The following EBLN1 variants were observed in gnomAD, a reference collection of about 807,000 sequenced individuals.
EBLN1 encodes the protein endogenous Bornavirus like nucleoprotein 1.
EBLN1 carries 1 observed loss-of-function variant against 0.8 expected under a neutral mutation model. The observed-to-expected ratio is 1.32, with a 90% CI of 0.47 to 6.26. EBLN1 has a LOEUF of 6.26. Ranked by LOEUF, EBLN1 falls within the 30% of genes most tolerant of loss-of-function variation. EBLN1 has a pLI of 0.15. For synonymous variants in EBLN1, 158 were observed against 158.5 expected, an observed-to-expected ratio of 1.00 and a Z score of 0.02; for missense variants, 396 against 447.9, an observed-to-expected ratio of 0.88 and a Z score of 1.05.
chr10:22,217,560 TG>T (rs1169794716), intron 1 of EBLN1, among the ~76,000 whole-genome samples: 1 of 152,248 alleles, frequency 6.6e-6, no homozygotes, highest in Admixed American at 6.5e-5. Flanking sequence ...TCAACTGCAT[TG>T]TTATTTTTTA....
rs1834765439 is a variant in EBLN1 at position 22,212,846 on chromosome 10, A to G, written c.-49T>C. 6.6e-6 allele frequency among the ~76,000 whole-genome samples: 1 copy of G among 151,082 alleles called. No homozygotes were observed. On this transcript the variant is annotated 5_prime_UTR_variant, in exon 2 of 3. Transcript: ENST00000422359. The stretch of plus-strand genomic sequence containing the variant: ...GCTGGGCATGGTGGCACGTACCTGC[A>G]GTCCTAGCTACTTTGGAGGCTGAGG...
chr10:22,212,348 T>C (rs370937762), intron 2 of EBLN1, among the ~76,000 whole-genome samples: 30 of 152,230 alleles, frequency 2.0e-4, no homozygotes, highest in Admixed American at 3.9e-4. Context: ...TTCTAAAATA[T>C]GCAATTTTCA....
intron 1 of EBLN1, among the ~76,000 whole-genome samples, chr10:22,217,189 A>G (rs1421075144): frequency 6.6e-6 from 1 of 152,150 alleles, no homozygotes; most frequent in Non-Finnish European, 1.5e-5. Flanking sequence ...GCAGTGGTGC[A>G]ATCTTGACTC....
chr10:22,214,354 T>C (rs919957312), intron 1 of EBLN1, among the ~76,000 whole-genome samples: 11 of 151,334 alleles, frequency 7.3e-5, no homozygotes, highest in African/African-American at 2.2e-4. Context: ...GGCTGCAGTG[T>C]AGTGACACCA....
At chr10:22,211,113 C>T (rs891939646) in intron 2 of EBLN1, among the ~76,000 whole-genome samples, 3 of 152,202 alleles carry the variant, frequency 2.0e-5, no homozygotes, top group Admixed American at 1.3e-4. Flanking sequence ...AGGGATATAA[C>T]ATTACATGGT....
intron 2 of EBLN1, 49 bp from the exon 3 acceptor site, chr10:22,210,076 A>AT: frequency 8.0e-7 from 1 of 1,243,222 alleles, no homozygotes; most frequent in Non-Finnish European, 1.0e-6. Context: ...TTTAAATTAC[A>AT]TTTATTAATA....
chr10:22,209,416 C>G lies in EBLN1; in HGVS notation c.568G>C (p.Gly190Arg). Residue 190 changes from glycine (G) to arginine (R), a missense_variant, in exon 3 of 3, where the codon GGG becomes CGG. Coordinates refer to ENST00000422359, the MANE Select transcript of EBLN1 (RefSeq NM_001394757.1). ...SADLLISYNA[G>R]PAIDWINSRP... Reference sequence around the variant, plus strand: ...GAGTTGATCCAATCTATAGCTGGCCCTGCATTATAGCTAATTAATAAATCA... The same window carrying G: ...GAGTTGATCCAATCTATAGCTGGCCGTGCATTATAGCTAATTAATAAATCA... 2 of 1,602,926 alleles carry G rather than the reference C, an allele frequency of 1.2e-6. No homozygotes were observed. The highest frequency in any genetic ancestry group is 1.7e-6 in the Non-Finnish European group (2 of 1,179,836).
intron 1 of EBLN1, among the ~76,000 whole-genome samples, chr10:22,213,559 C>G (rs1470652234): frequency 6.6e-6 from 1 of 152,022 alleles, no homozygotes; most frequent in African/African-American, 2.4e-5. Flanking sequence ...GAAGAAAACC[C>G]CCAAAAATCA....
chr10:22,209,324 C>A lies in EBLN1; in HGVS notation c.660G>T (p.Glu220Asp). 1 of 1,602,038 alleles carries A rather than the reference C, an allele frequency of 6.2e-7. No homozygotes were observed. The change falls in exon 3 of 3, where the codon GAG becomes GAT. Residue 220 changes from glutamate (E) to aspartate (D), a missense_variant. By Grantham distance (45) the Glu-to-Asp change is conservative (BLOSUM62 2). Transcript: ENST00000422359. ...LFGEFESPACELLDQVKVVAS... is the reference protein window; with the variant it reads ...LFGEFESPACDLLDQVKVVAS... ...CAACTACTTTAACTTGATCAAGTAG[C>A]TCGCACGCAGGGGATTCAAATTCTC...
intron 1 of EBLN1, among the ~76,000 whole-genome samples, chr10:22,217,556 G>T (rs1391052047): frequency 6.6e-6 from 1 of 152,152 alleles, no homozygotes; most frequent in Non-Finnish European, 1.5e-5. Context: ...AGATTCAACT[G>T]CATTGTTATT....
rs1834735575 is a variant in EBLN1 at position 22,209,971 on chromosome 10, T to C, written c.13A>G (p.Arg5Gly). 1.4e-6 allele frequency: 2 copies of C among 1,417,280 alleles called. No individual in the cohort carries two copies. The highest frequency in any genetic ancestry group is 1.8e-4 in the Middle Eastern group (1 of 5,462). The allele number at this position is 1,417,280 out of a possible 1,614,324, so 87.8% of individuals were successfully genotyped here. A position where few individuals can be genotyped will look rare whatever the true frequency, so the allele number is the denominator to read the frequency against. MSRP[R>G]NNPQTSSPQD... is the part of the protein sequence containing the mutation. ...GGGCTGCTGGTCTGTGGGTTGTTTC[T>C]TGGGCGGGACATTGTGGGTGATTGT... Residue 5 changes from arginine to glycine, a missense_variant, in exon 3 of 3, where the codon AGA becomes GGA. Physicochemically the swap from Arg to Gly is moderately radical, Grantham distance 125. Transcript: ENST00000422359.
rs1221010118 is a variant in EBLN1 at position 22,209,577 on chromosome 10, A to T, written c.407T>A (p.Ile136Asn). 11 of 1,541,080 alleles carry T rather than the reference A, an allele frequency of 7.1e-6. No homozygotes were observed. The highest frequency in any genetic ancestry group is 8.7e-6 in the Non-Finnish European group (10 of 1,149,742). Reference protein sequence around the residue: ...PTFTALEMSSILRHCCDLIGI... With the variant: ...PTFTALEMSSNLRHCCDLIGI... ...TATCAGATCACAGCAGTGACGCAGA[A>T]TTGATGACATCTCAAGGGCAGTGAA... The change falls in exon 3 of 3, where the codon ATT becomes AAT. Residue 136 changes from isoleucine to asparagine, a missense_variant. Ile to Asn is a moderately radical substitution (Grantham distance 149, BLOSUM62 -3). Transcript: ENST00000422359.
At chr10:22,211,064 T>C (rs1173322690) in intron 2 of EBLN1, among the ~76,000 whole-genome samples, 2 of 152,240 alleles carry the variant, frequency 1.3e-5, no homozygotes, top group Non-Finnish European at 2.9e-5. Context: ...GCAATCACCA[T>C]GCTAATCACA....
intron 2 of EBLN1, among the ~76,000 whole-genome samples, chr10:22,211,036 T>C (rs917363272): frequency 1.2e-4 from 18 of 152,234 alleles, no homozygotes; most frequent in African/African-American, 4.3e-4. Flanking sequence ...TAGACAGTGA[T>C]AAAAGCTTAA....
In EBLN1 at chr10:22,209,176, G is replaced by A; in HGVS notation, c.808C>T (p.Leu270=). Residue 270 remains leucine (L), a synonymous_variant, in exon 3 of 3, where the codon CTG becomes TTG. Coordinates refer to ENST00000422359, the MANE Select transcript of EBLN1 (RefSeq NM_001394757.1). ...AAATCTCCAAGTACCTTTTTAGCCAGTGGTTTCTTCTGCTCAAAAACTGGA... is the reference window on the plus strand; with the variant it reads ...AAATCTCCAAGTACCTTTTTAGCCAATGGTTTCTTCTGCTCAAAAACTGGA... The part of the protein sequence containing the change: ...EIPVFEQKKP[L]AKKVLGDFFE... The A allele has an allele frequency of 2.6e-6, 4 of 1,536,064 alleles. No individual in the cohort carries two copies. Among genetic ancestry groups the A allele is most frequent in the Non-Finnish European group, 3.5e-6 (4 of 1,147,062 alleles).
chr10:22,211,219 T>C (rs1564323447), intron 2 of EBLN1, among the ~76,000 whole-genome samples: 1 of 152,240 alleles, frequency 6.6e-6, no homozygotes, highest in African/African-American at 2.4e-5. Context: ...AGGCTTTTGA[T>C]TTGGGTGGTA....
chr10:22,210,021 T>A lies in EBLN1; in HGVS notation c.-38A>T, dbSNP rs146971751. 9 of 1,352,966 alleles carry A rather than the reference T, an allele frequency of 6.7e-6. No homozygotes were observed. Among genetic ancestry groups the A allele is most frequent in the Admixed American group, 3.2e-5 (1 of 31,130 alleles). 83.8% of individuals were successfully genotyped at this position (1,352,966 alleles called of 1,614,324 possible). ...TTTCTGTGATTTTCACACAATTTTG[T>A]ACTGTACTAAAAAAATATAGAGAAT... On this transcript the variant is annotated 5_prime_UTR_variant, in exon 3 of 3. Coordinates refer to ENST00000422359, the MANE Select transcript of EBLN1 (RefSeq NM_001394757.1).
intron 2 of EBLN1, among the ~76,000 whole-genome samples, chr10:22,211,933 C>T (rs2131944743): frequency 6.6e-6 from 1 of 152,288 alleles, no homozygotes; most frequent in Non-Finnish European, 1.5e-5. Flanking sequence ...TTCTTAATCC[C>T]ATGTCTCAAA....
chr10:22,209,237 A>G lies in EBLN1; in HGVS notation c.747T>C (p.Asp249=), dbSNP rs535338802. 2 of 1,556,388 alleles carry G rather than the reference A, an allele frequency of 1.3e-6. No homozygotes were observed. Among genetic ancestry groups the G allele is most frequent in the African/African-American group, 2.7e-5 (2 of 74,074 alleles). The part of the protein sequence containing the change: ...TVRMFLDQCV[D]GSTALPAVVL... ...CAACAGCGGGTAAAGCAGTGGAACCATCCACACACTGATCCAGGAACATTC... is the reference window on the plus strand; with the variant it reads ...CAACAGCGGGTAAAGCAGTGGAACCGTCCACACACTGATCCAGGAACATTC... The change falls in exon 3 of 3, where the codon GAT becomes GAC. Residue 249 remains aspartate, a synonymous_variant. Transcript: ENST00000422359.
Sources: gnomAD v4.1 joint callset for allele counts (sites outside exome capture counted in the v4.1 genomes callset) on GRCh38, gnomAD v4.1.1 for gene constraint, MANE v1.5 for transcripts, NCBI Gene and HGNC (gene_info 2026-07-23, HGNC 2026-07-21) for gene names.